GAS2L2: variants seen among roughly 807,000 people sequenced by gnomAD.
The protein encoded by GAS2L2 is growth arrest specific 2 like 2.
Under a neutral mutation model 35.2 loss-of-function variants are expected in GAS2L2, and 21 were observed. That is an observed-to-expected ratio of 0.60 (90% CI 0.42 to 0.86). The LOEUF (loss-of-function observed/expected upper bound fraction) is 0.86. Among genes scored for constraint, GAS2L2 ranks in the 40% least tolerant of loss-of-function variants. The pLI is 0.00. For missense variants in GAS2L2, 1,169 were observed against 1,144.4 expected, an observed-to-expected ratio of 1.02 and a Z score of -0.31; for synonymous variants, 490 against 473.2, an observed-to-expected ratio of 1.04 and a Z score of -0.46.
In GAS2L2 at chr17:35,752,965, A is replaced by G; in HGVS notation, c.-115T>C. 8.5e-7 allele frequency: 1 copy of G among 1,171,836 alleles called. No homozygotes were observed. Among genetic ancestry groups the G allele is most frequent in the South Asian group, 1.6e-5 (1 of 62,628 alleles). 72.6% of individuals were successfully genotyped at this position (1,171,836 alleles called of 1,614,324 possible). A position where few individuals can be genotyped will look rare whatever the true frequency, so the allele number is the denominator to read the frequency against. ...CTTCCTGATTCTGAGGTTCCCGTGT[A>G]CTCGCTGAGAGCCCGGGACCTCCAG... On this transcript the variant is annotated 5_prime_UTR_variant, in exon 1 of 6. Transcript: ENST00000604641.
At chr17:35,750,803 A>G (rs2085699135) in intron 1 of GAS2L2, among the ~76,000 whole-genome samples, 1 of 152,174 alleles carries the variant, frequency 6.6e-6, no homozygotes, top group Non-Finnish European at 1.5e-5. Context: ...CTCTGGAGCC[A>G]ACCACTAAGT....
At position 35,752,547 on chromosome 17, in the gene GAS2L2, C is replaced by G; in HGVS notation, c.304G>C (p.Ala102Pro). Residue 102 changes from alanine to proline, a missense_variant, in exon 1 of 6, where the codon GCC becomes CCC. Coordinates refer to ENST00000604641, the MANE Select transcript of GAS2L2 (RefSeq NM_139285.4). ...GCCTGGAAGGTACCTGGCTGGGCGG[C>G]CCCATTGCAGGAGACCCCGACCCGG... ...MPRVGVSCNG[A>P]AQPGTFQARD... The G allele has an allele frequency of 6.2e-7, 1 of 1,613,486 alleles. No homozygotes were observed. The highest frequency in any genetic ancestry group is 8.5e-7 in the Non-Finnish European group (1 of 1,179,420).
In GAS2L2 at chr17:35,745,155, C is replaced by G. The variant is rs144720767; in HGVS notation, c.2342G>C (p.Arg781Pro). 308 of 1,612,808 alleles carry G rather than the reference C, an allele frequency of 1.9e-4. 2 individuals carry two copies. In the Admixed American group the frequency reaches 5.0e-3, roughly 26 times the overall value. The change falls in exon 6 of 6, where the codon CGG becomes CCG. Residue 781 changes from arginine to proline, a missense_variant. Arg to Pro is a moderately radical substitution (Grantham distance 103). This residue lies in a region of GAS2L2 where 1,035 missense variants were observed against 976.5 expected (regional missense o/e 1.06). Coordinates refer to ENST00000604641, the MANE Select transcript of GAS2L2 (RefSeq NM_139285.4). ...IYKLKLRPRI[R>P]PRRDHRPEKQ... ...CTCAGGCCTGTGGTCTCTCCGGGGC[C>G]GAATCCTGGGTCTCAGCTTCAGCTT...
At chr17:35,751,332 C>G (rs1423717284) in intron 1 of GAS2L2, among the ~76,000 whole-genome samples, 3 of 152,094 alleles carry the variant, frequency 2.0e-5, no homozygotes, top group African/African-American at 4.8e-5. Flanking sequence ...TGTCATCCCC[C>G]CTGCTTAGAA....
Position 35,745,549 on chromosome 17 carries a change from G to T in GAS2L2, c.1948C>A (p.Pro650Thr). The part of the protein sequence containing the change: ...LAGQWPEPGG[P>T]YDKAIQELAQ... ...AGTTCTTGGATGGCTTTGTCATAAGGACCCCCAGGCTCAGGCCACTGCCCA... is the reference window on the plus strand; with the variant it reads ...AGTTCTTGGATGGCTTTGTCATAAGTACCCCCAGGCTCAGGCCACTGCCCA... Residue 650 changes from proline to threonine, a missense_variant, in exon 6 of 6, where the codon CCT becomes ACT. Around this residue, in one of 3 missense-constraint regions of GAS2L2, gnomAD observed 1,035 missense variants for 976.5 expected, o/e 1.06. Coordinates refer to ENST00000604641, the MANE Select transcript of GAS2L2 (RefSeq NM_139285.4). 1 of 1,613,350 alleles carries T rather than the reference G, an allele frequency of 6.2e-7. No individual in the cohort carries two copies. The highest frequency in any genetic ancestry group is 1.7e-4 in the Middle Eastern group (1 of 6,058).
intron 2 of GAS2L2, 65 bp from the exon 3 acceptor site, chr17:35,749,282 C>G (rs1555599441): frequency 1.1e-5 from 11 of 1,032,948 alleles, no homozygotes; most frequent in Non-Finnish European, 1.6e-5. Flanking sequence ...GGGGGCCTAC[C>G]TGCCCCCCAG....
Position 35,752,885 on chromosome 17 carries a change from C to G in GAS2L2, c.-35G>C. On this transcript the variant is annotated 5_prime_UTR_variant, in exon 1 of 6. Coordinates refer to ENST00000604641, the MANE Select transcript of GAS2L2 (RefSeq NM_139285.4). ...CCAGCAGGGCAGGAGGTGGGCACCT[C>G]CCCTCTCCCACTGCCGCCTCTTTCC... 3.9e-6 allele frequency: 6 copies of G among 1,546,762 alleles called. No homozygotes were observed. Among genetic ancestry groups the G allele is most frequent in the Non-Finnish European group, 5.2e-6 (6 of 1,146,788 alleles).
In GAS2L2 at chr17:35,744,912, A is replaced by G. The variant is rs782142904; in HGVS notation, c.2585T>C (p.Leu862Pro). The change falls in exon 6 of 6, where the codon CTG becomes CCG. Residue 862 changes from leucine to proline, a missense_variant. Leu to Pro is a moderately conservative substitution (Grantham distance 98). Coordinates refer to ENST00000604641, the MANE Select transcript of GAS2L2 (RefSeq NM_139285.4). Reference protein sequence around the residue: ...LESSPQPPEGLQPHWLNQAPL... With the variant: ...LESSPQPPEGPQPHWLNQAPL... ...AGCTTGATTAAGCCAGTGAGGTTGC[A>G]GGCCCTCTGGAGGTTGGGGGCTGCT... 6 of 1,612,246 alleles carry G rather than the reference A, an allele frequency of 3.7e-6. No individual in the cohort carries two copies. In the African/African-American group the frequency reaches 5.3e-5, roughly 14 times the overall value.
chr17:35,751,537 G>A (rs149290848), intron 1 of GAS2L2, among the ~76,000 whole-genome samples: 135 of 151,944 alleles, frequency 8.9e-4, no homozygotes, highest in African/African-American at 2.9e-3. Flanking sequence ...GCGTGGTGGC[G>A]GGCGCCTGTA....
chr17:35,752,412 C>A, intron 1 of GAS2L2, 54 bp downstream of exon 1: 2 of 1,513,066 alleles, frequency 1.3e-6, no homozygotes, highest in Non-Finnish European at 1.8e-6. Context: ...GAGAAAGGAC[C>A]AATACCCCCC....
At position 35,744,948 on chromosome 17, in the gene GAS2L2, G is replaced by A. The variant is rs199696873; in HGVS notation, c.2549C>T (p.Ala850Val). Residue 850 changes from alanine to valine, a missense_variant, in exon 6 of 6, where the codon GCT (alanine) becomes GTT (valine). By Grantham distance (64) the Ala-to-Val change is moderately conservative. Coordinates refer to ENST00000604641, the MANE Select transcript of GAS2L2 (RefSeq NM_139285.4). The stretch of plus-strand genomic sequence containing the variant: ...AGGTTGGGGGCTGCTCTCCAATGGA[G>A]CGGCTGGCTCTTTCTCCTCCTTTCC... ...EEGKEEKEPA[A>V]PLESSPQPPE... 8.3e-5 allele frequency: 134 copies of A among 1,613,988 alleles called. No homozygotes were observed. The highest frequency in any genetic ancestry group is 1.1e-4 in the Non-Finnish European group (124 of 1,179,932).
At chr17:35,748,564 T>C (rs2143021922) in intron 3 of GAS2L2, among the ~76,000 whole-genome samples, 1 of 152,308 alleles carries the variant, frequency 6.6e-6, no homozygotes, top group Middle Eastern at 3.4e-3. Context: ...CAGCCAGGTA[T>C]TGGGGTAGGA....
In GAS2L2 at chr17:35,752,636, A is replaced by G. The variant is rs2085710705; in HGVS notation, c.215T>C (p.Val72Ala). Residue 72 changes from valine (V) to alanine (A), a missense_variant, in exon 1 of 6, where the codon GTC (valine) becomes GCC (alanine). Transcript: ENST00000604641. ...GLVLCQHANV[V>A]TDAALAFLAE... ...CAGGAAGGCCAGGGCAGCGTCAGTG[A>G]CAACGTTGGCGTGTTGGCACAGCAC... 1 of 1,613,744 alleles carries G rather than the reference A, an allele frequency of 6.2e-7. No homozygotes were observed. The highest frequency in any genetic ancestry group is 8.5e-7 in the Non-Finnish European group (1 of 1,179,634).
Position 35,752,662 on chromosome 17 carries a change from C to G in GAS2L2, c.189G>C (p.Leu63=). 1 of 1,614,122 alleles carries G rather than the reference C, an allele frequency of 6.2e-7. No homozygotes were observed. The highest frequency in any genetic ancestry group is 8.5e-7 in the Non-Finnish European group (1 of 1,179,990). ...CAACGTTGGCGTGTTGGCACAGCAC[C>G]AGGCCCGTTTCCAGCACCTGCAGGA... ...ANFLQVLETG[L]VLCQHANVVT... The change falls in exon 1 of 6, where the codon CTG becomes CTC. Residue 63 remains leucine, a synonymous_variant. Coordinates refer to ENST00000604641, the MANE Select transcript of GAS2L2 (RefSeq NM_139285.4).
At position 35,750,180 on chromosome 17, in the gene GAS2L2, A is replaced by G. The variant is rs919356489; in HGVS notation, c.524T>C (p.Ile175Thr). The G allele has an allele frequency of 1.6e-5, 25 of 1,612,642 alleles. No individual in the cohort carries two copies. The highest frequency in any genetic ancestry group is 2.1e-5 in the Non-Finnish European group (25 of 1,179,264). ...CAGCTCCCGCCGCACCTCCTCCTCG[A>G]TCTCCTCCTCCAGCTGCACGAGTGT... is the stretch of plus-strand genomic sequence containing the variant. ...APTLVQLEEEIEEEVRRELAL... is the reference protein window; with the variant it reads ...APTLVQLEEETEEEVRRELAL... Residue 175 changes from isoleucine to threonine, a missense_variant, in exon 2 of 6, where the codon ATC becomes ACC. Ile to Thr is a moderately conservative substitution (Grantham distance 89). Around this residue, in one of 3 missense-constraint regions of GAS2L2, gnomAD observed 1,035 missense variants for 976.5 expected, o/e 1.06. Transcript: ENST00000604641.
rs2085666949 is a variant in GAS2L2 at position 35,746,208 on chromosome 17, G to C, written c.1289C>G (p.Thr430Ser). ...WVHEETDSWG[T>S]DAGNPTPQRL... Reference sequence around the variant, plus strand: ...TTGTGGGGTGGGGTTCCCGGCGTCGGTTCCCCAGCTGTCTGTTTCTTCATG... The same window carrying C: ...TTGTGGGGTGGGGTTCCCGGCGTCGCTTCCCCAGCTGTCTGTTTCTTCATG... The change falls in exon 6 of 6, where the codon ACC becomes AGC. Residue 430 changes from threonine (T) to serine (S), a missense_variant. Around this residue, in one of 3 missense-constraint regions of GAS2L2, gnomAD observed 1,035 missense variants for 976.5 expected, o/e 1.06. Coordinates refer to ENST00000604641, the MANE Select transcript of GAS2L2 (RefSeq NM_139285.4). The C allele has an allele frequency of 1.0e-5, 15 of 1,481,660 alleles. No homozygotes were observed. The highest frequency in any genetic ancestry group is 1.2e-5 in the Non-Finnish European group (13 of 1,114,966). 91.8% of individuals were successfully genotyped at this position (1,481,660 alleles called of 1,614,324 possible). A position where few individuals can be genotyped will look rare whatever the true frequency, so the allele number is the denominator to read the frequency against.
intron 1 of GAS2L2, among the ~76,000 whole-genome samples, chr17:35,751,218 C>T (rs1166900239): frequency 6.6e-6 from 1 of 152,144 alleles, no homozygotes; most frequent in Non-Finnish European, 1.5e-5. Context: ...TGGCGTCATC[C>T]CATCTGTCTC....
In GAS2L2 at chr17:35,749,213, TG is replaced by T. The variant is rs2085688345; in HGVS notation, c.631del (p.Gln211ArgfsTer4). ...CHFRNLDQMV[Q>X]SLVSHCTCPV... ...GCACGTGCAGTGGCTCACAAGGCTC[TG>T]CACCTGCGGGCGGGTGGTGAACTCA... On this transcript the variant is annotated frameshift_variant, in exon 3 of 6. Coordinates refer to ENST00000604641, the MANE Select transcript of GAS2L2 (RefSeq NM_139285.4). LOFTEE classifies it high-confidence loss of function. 6.2e-7 allele frequency: 1 copy of T among 1,611,090 alleles called. No homozygotes were observed. Among genetic ancestry groups the T allele is most frequent in the African/African-American group, 1.3e-5 (1 of 74,858 alleles).
Position 35,752,894 on chromosome 17 carries a change from C to CA in GAS2L2, c.-45dup. 6.5e-7 allele frequency: 1 copy of CA among 1,533,880 alleles called. No homozygotes were observed. Among genetic ancestry groups the CA allele is most frequent in the Non-Finnish European group, 8.8e-7 (1 of 1,141,644 alleles). On this transcript the variant is annotated 5_prime_UTR_variant, in exon 1 of 6. Coordinates refer to ENST00000604641, the MANE Select transcript of GAS2L2 (RefSeq NM_139285.4). ...CAGGAGGTGGGCACCTCCCCTCTCCCACTGCCGCCTCTTTCCTCCCGCTGC... is the reference window on the plus strand; with the variant it reads ...CAGGAGGTGGGCACCTCCCCTCTCCCAACTGCCGCCTCTTTCCTCCCGCTGC...
Sources: allele counts gnomAD v4.1 joint callset (sites outside exome capture counted in the v4.1 genomes callset), GRCh38; gene constraint gnomAD v4.1.1; regional missense constraint gnomAD v4.1.1; transcripts MANE v1.5; gene names NCBI Gene and HGNC (gene_info 2026-07-23, HGNC 2026-07-21).